The following CPQ variants were observed in gnomAD, a reference collection of about 807,000 sequenced individuals.
CPQ encodes carboxypeptidase Q.
A neutral mutation model predicts 45.7 loss-of-function variants in CPQ; 37 were observed. The ratio of observed to expected loss-of-function variants is 0.81; its 90% CI spans 0.62 to 1.07. The LOEUF (loss-of-function observed/expected upper bound fraction) is 1.07. CPQ is among the 50% of genes least tolerant of loss of function. The pLI is 0.00. For missense variants in CPQ, 537 were observed against 572.9 expected (o/e 0.94, Z 0.64); for synonymous variants, 186 against 205.8 (o/e 0.90, Z 0.82).
chr8:96,787,135 G>A (rs1432861634), intron 2 of CPQ, among the ~76,000 whole-genome samples: 2 of 151,954 alleles, frequency 1.3e-5, no homozygotes, highest in Admixed American at 1.3e-4. Flanking sequence ...CTACTGTAAT[G>A]TATCTAGGTA....
At chr8:97,042,499 G>T (rs1052886443) in intron 6 of CPQ, among the ~76,000 whole-genome samples, 2 of 151,958 alleles carry the variant, frequency 1.3e-5, no homozygotes, top group African/African-American at 4.8e-5. Flanking sequence ...GTTCTCCTCC[G>T]ATTTTAGTTA....
chr8:96,835,265 T>C (rs1811515489), intron 3 of CPQ, 85 bp downstream of exon 3: 1 of 1,081,438 alleles, frequency 9.2e-7, no homozygotes, highest in East Asian at 2.9e-5. Context: ...AAACAAACCA[T>C]TCAAATGAAA....
intron 3 of CPQ, among the ~76,000 whole-genome samples, chr8:96,842,975 G>A (rs901528189): frequency 2.6e-5 from 4 of 152,032 alleles, no homozygotes; most frequent in Non-Finnish European, 4.4e-5. Context: ...GCATGAGTTC[G>A]GCTAACTGCT....
chr8:97,052,898 T>C (rs1810386103), intron 6 of CPQ, among the ~76,000 whole-genome samples: 1 of 152,210 alleles, frequency 6.6e-6, no homozygotes, highest in Admixed American at 6.5e-5. Context: ...AACATTTGTA[T>C]ATTATTAAGT....
intron 7 of CPQ, among the ~76,000 whole-genome samples, chr8:97,137,818 G>A (rs927050817): frequency 3.9e-5 from 6 of 152,196 alleles, no homozygotes; most frequent in Admixed American, 1.3e-4. Flanking sequence ...AGTCCCGGGA[G>A]GCGGAGCTTG....
At chr8:96,878,510 A>C (rs1408738521) in intron 3 of CPQ, among the ~76,000 whole-genome samples, 1 of 152,222 alleles carries the variant, frequency 6.6e-6, no homozygotes, top group Non-Finnish European at 1.5e-5. Context: ...CCTGAAACAA[A>C]GATGTGGGTA....
intron 4 of CPQ, among the ~76,000 whole-genome samples, chr8:96,949,015 A>C (rs1189446477): frequency 6.6e-6 from 1 of 151,748 alleles, no homozygotes; most frequent in Admixed American, 6.6e-5. Context: ...CTTCACTTTC[A>C]CCCTGTATGT....
rs11390361 is a variant in CPQ at position 96,898,776 on chromosome 8, T to TAAAA, written c.849+18785_849+18788dup. Among the ~76,000 whole-genome samples the TAAAA allele has an allele frequency of 8.3e-3, 1,143 of 137,602 alleles. 13 individuals carry two copies. The highest frequency in any genetic ancestry group is 0.078 in the Middle Eastern group (20 of 256). The allele number at this position is 137,602 out of a possible 152,430, so 90.3% of individuals were successfully genotyped here. A position where few individuals can be genotyped will look rare whatever the true frequency, so the allele number is the denominator to read the frequency against. On this transcript the variant is annotated intron_variant, in intron 4 of 7. Transcript: ENST00000220763. ...ATGTACCCTAAAACTTAGGGTATAA[T>TAAAA]AAAAAAAAAAAAAAAAAGTCAATAG...
At chr8:97,062,799 A>C (rs1810574168) in intron 6 of CPQ, among the ~76,000 whole-genome samples, 1 of 152,206 alleles carries the variant, frequency 6.6e-6, no homozygotes, top group Non-Finnish European at 1.5e-5. Flanking sequence ...TGCAAAGGAC[A>C]TGATCTCATT....
intron 4 of CPQ, among the ~76,000 whole-genome samples, chr8:96,892,593 G>T (rs1410516456): frequency 1.3e-5 from 2 of 152,034 alleles, no homozygotes; most frequent in Non-Finnish European, 2.9e-5. Flanking sequence ...AACTTTTTAT[G>T]GCTTAGAACC....
At chr8:96,725,780 CACTCATATG>C (rs1809829171) in intron 1 of CPQ, among the ~76,000 whole-genome samples, 1 of 152,156 alleles carries the variant, frequency 6.6e-6, no homozygotes, top group Non-Finnish European at 1.5e-5. Flanking sequence ...AAGACACATG[CACTCATATG>C]TTTACCATAG....
chr8:97,056,903 A>G (rs886790517), intron 6 of CPQ, among the ~76,000 whole-genome samples: 1 of 152,096 alleles, frequency 6.6e-6, no homozygotes, highest in African/African-American at 2.4e-5. Context: ...TTTTGCCAAC[A>G]TTTTTCAGTA....
chr8:97,094,167 C>T (rs558898902), intron 7 of CPQ, among the ~76,000 whole-genome samples: 4 of 152,258 alleles, frequency 2.6e-5, no homozygotes, highest in African/African-American at 4.8e-5. Flanking sequence ...GATTCTCCAA[C>T]GACTAAGATT....
chr8:97,084,928 T>A (rs2130557034), intron 7 of CPQ, among the ~76,000 whole-genome samples: 1 of 152,218 alleles, frequency 6.6e-6, no homozygotes, highest in African/African-American at 2.4e-5. Flanking sequence ...TTCTTGTAAG[T>A]TGCTGCTTTT....
At chr8:96,832,367 A>C (rs939992698) in intron 2 of CPQ, among the ~76,000 whole-genome samples, 4 of 152,166 alleles carry the variant, frequency 2.6e-5, no homozygotes, top group African/African-American at 9.7e-5. Flanking sequence ...GGTAAAACTG[A>C]ACATTCATGG....
intron 4 of CPQ, among the ~76,000 whole-genome samples, chr8:96,920,024 G>A (rs1812785349): frequency 6.6e-6 from 1 of 152,154 alleles, no homozygotes; most frequent in Non-Finnish European, 1.5e-5. Context: ...TTATTGGTCT[G>A]TATGAAGATT....
chr8:96,910,599 G>T (rs1812647086), intron 4 of CPQ, among the ~76,000 whole-genome samples: 1 of 152,070 alleles, frequency 6.6e-6, no homozygotes. Context: ...CCGCCTCCTG[G>T]GTTCATGCCA....
chr8:96,801,167 G>C (rs1811003626), intron 2 of CPQ, among the ~76,000 whole-genome samples: 1 of 151,940 alleles, frequency 6.6e-6, no homozygotes, highest in East Asian at 1.9e-4. Context: ...GGTAGAGATG[G>C]GGTTTTGCCA....
chr8:96,650,839 A>G (rs2130703104), intron 1 of CPQ, among the ~76,000 whole-genome samples: 1 of 152,316 alleles, frequency 6.6e-6, no homozygotes, highest in East Asian at 1.9e-4. Context: ...AAATCAAATG[A>G]CACTTTCAGT....
Sources: gnomAD v4.1 joint callset for allele counts (sites outside exome capture counted in the v4.1 genomes callset) on GRCh38, gnomAD v4.1.1 for gene constraint, MANE v1.5 for transcripts, NCBI Gene and HGNC (gene_info 2026-07-23, HGNC 2026-07-21) for gene names.